Variants in RALGAPA2 observed in about 807,000 individuals in gnomAD.
RALGAPA2 encodes Ral GTPase activating protein catalytic subunit alpha 2.
RALGAPA2 carries 139 observed loss-of-function variants against 230.4 expected under a neutral mutation model. That is an observed-to-expected ratio of 0.60 (90% CI 0.53 to 0.69). The LOEUF (loss-of-function observed/expected upper bound fraction) is 0.69. RALGAPA2 is among the 30% of genes least tolerant of loss of function. RALGAPA2 has a pLI of 0.00. For synonymous variants in RALGAPA2, 847 were observed against 837.8 expected, an observed-to-expected ratio of 1.01 and a Z score of -0.19; for missense variants, 2,163 against 2,276.0, an observed-to-expected ratio of 0.95 and a Z score of 1.01.
intron 18 of RALGAPA2, 71 bp downstream of exon 18, chr20:20,589,197 A>G: frequency 7.0e-7 from 1 of 1,438,512 alleles, no homozygotes; most frequent in Non-Finnish European, 9.2e-7. Flanking sequence ...TGCCACCAAT[A>G]AATTTACTTA....
intron 36 of RALGAPA2, among the ~76,000 whole-genome samples, chr20:20,490,867 C>CAT (rs2062032783): frequency 6.7e-6 from 1 of 150,098 alleles, no homozygotes; most frequent in African/African-American, 2.5e-5. Context: ...CATGAACACA[C>CAT]ACACACACAC....
At chr20:20,444,153 A>G (rs1240954891) in intron 37 of RALGAPA2, among the ~76,000 whole-genome samples, 1 of 152,022 alleles carries the variant, frequency 6.6e-6, no homozygotes, top group Non-Finnish European at 1.5e-5. Flanking sequence ...ACACACACAC[A>G]CTTCCTCTGG....
intron 1 of RALGAPA2, among the ~76,000 whole-genome samples, chr20:20,705,385 T>G (rs2069554781): frequency 6.6e-6 from 1 of 151,980 alleles, no homozygotes; most frequent in Non-Finnish European, 1.5e-5. Flanking sequence ...TCTTCATTTT[T>G]TTTGTAGAGA....
chr20:20,483,426 G>A (rs972125794), intron 36 of RALGAPA2, among the ~76,000 whole-genome samples: 1 of 152,172 alleles, frequency 6.6e-6, no homozygotes, highest in African/African-American at 2.4e-5. Flanking sequence ...GTTGCCAGTG[G>A]GTTGAGCAGA....
intron 37 of RALGAPA2, among the ~76,000 whole-genome samples, chr20:20,439,153 C>T (rs2060679442): frequency 6.6e-6 from 1 of 152,114 alleles, no homozygotes; most frequent in South Asian, 2.1e-4. Context: ...CCCTGACTGC[C>T]ATCTGATAAT....
At chr20:20,668,786 G>C (rs1359991649) in intron 3 of RALGAPA2, among the ~76,000 whole-genome samples, 2 of 152,172 alleles carry the variant, frequency 1.3e-5, no homozygotes, top group African/African-American at 4.8e-5. Context: ...CCTGAAAAGA[G>C]AACTGAATAA....
Position 20,517,426 on chromosome 20 carries a change from C to T in RALGAPA2, c.4084+3491G>A, listed in dbSNP as rs116146528. Among the ~76,000 whole-genome samples, 756 of 152,266 alleles carry T rather than the reference C, an allele frequency of 5.0e-3. 8 individuals carry two copies. Among genetic ancestry groups the T allele is most frequent in the African/African-American group, 0.017 (708 of 41,528 alleles). On this transcript the variant is annotated intron_variant, in intron 31 of 39. Coordinates refer to ENST00000202677, the MANE Select transcript of RALGAPA2 (RefSeq NM_020343.4). ...CATTAATCAAAGCTGGGGCCTCAGCCCACCATTGTGTATTGTATCTAACCA... is the reference window on the plus strand; with the variant it reads ...CATTAATCAAAGCTGGGGCCTCAGCTCACCATTGTGTATTGTATCTAACCA...
intron 27 of RALGAPA2, among the ~76,000 whole-genome samples, chr20:20,530,342 T>C (rs1205302188): frequency 1.3e-5 from 2 of 152,210 alleles, no homozygotes; most frequent in African/African-American, 4.8e-5. Context: ...TGGATAATTT[T>C]TCCATTCCTC....
intron 37 of RALGAPA2, among the ~76,000 whole-genome samples, chr20:20,465,569 G>C (rs976951963): frequency 6.6e-6 from 1 of 152,186 alleles, no homozygotes; most frequent in Non-Finnish European, 1.5e-5. Context: ...TATTCCCCTA[G>C]GGGGAGCATC....
intron 37 of RALGAPA2, among the ~76,000 whole-genome samples, chr20:20,469,620 A>G (rs1019157317): frequency 6.6e-6 from 1 of 152,178 alleles, no homozygotes; most frequent in Non-Finnish European, 1.5e-5. Context: ...TGTTTGATTC[A>G]GGGTGAACTC....
At chr20:20,706,325 G>A (rs80227400) in intron 1 of RALGAPA2, among the ~76,000 whole-genome samples, 6,568 of 152,186 alleles carry the variant, frequency 0.043, 220 homozygotes, top group Non-Finnish European at 0.066. Flanking sequence ...ACATTCTAGA[G>A]GTTATAAATG....
At chr20:20,588,853 C>G (rs1312416559) in intron 18 of RALGAPA2, among the ~76,000 whole-genome samples, 1 of 151,332 alleles carries the variant, frequency 6.6e-6, no homozygotes, top group Non-Finnish European at 1.5e-5. Context: ...TAAATAAATG[C>G]CATTTTATGT....
intron 5 of RALGAPA2, among the ~76,000 whole-genome samples, chr20:20,642,144 AAGGGGAGGGGAGGGG>A (rs776626497): frequency 5.6e-4 from 3 of 5,374 alleles, no homozygotes; most frequent in African/African-American, 1.5e-3. Flanking sequence ...GAGGGGAGAG[AAGGGGAGGGGAGGGG>A]AGGGGAGGGG....
At chr20:20,564,926 GT>G (rs1272613677) in intron 23 of RALGAPA2, among the ~76,000 whole-genome samples, 3 of 151,986 alleles carry the variant, frequency 2.0e-5, no homozygotes, top group Admixed American at 1.3e-4. Context: ...TAAACCTATA[GT>G]TTTTTTTAAA....
At chr20:20,598,139 G>T (rs746695066) in intron 16 of RALGAPA2, among the ~76,000 whole-genome samples, 1 of 152,036 alleles carries the variant, frequency 6.6e-6, no homozygotes, top group Non-Finnish European at 1.5e-5. Context: ...CAGGAACAAC[G>T]TTTCTTTGTT....
In RALGAPA2 at chr20:20,535,748, G is replaced by A. The variant is rs1200792242; in HGVS notation, c.3470C>T (p.Ala1157Val). 6.5e-7 allele frequency: 1 copy of A among 1,547,998 alleles called. No individual in the cohort carries two copies. The highest frequency in any genetic ancestry group is 8.7e-7 in the Non-Finnish European group (1 of 1,145,340). ...KNATEEPNEY[A>V]RCIAVCSLGV... ...TTACCTCTTATTCAACATTTACCTTGCATATTCATTTGGTTCTTCTGTGGC... is the reference window on the plus strand; with the variant it reads ...TTACCTCTTATTCAACATTTACCTTACATATTCATTTGGTTCTTCTGTGGC... The change falls in exon 26 of 40, where the codon GCA becomes GTA. Residue 1157 changes from alanine to valine, a missense_variant. Coordinates refer to ENST00000202677, the MANE Select transcript of RALGAPA2 (RefSeq NM_020343.4).
Position 20,515,698 on chromosome 20 carries a change from C to T in RALGAPA2, c.4085-2414G>A, listed in dbSNP as rs181674511. Among the ~76,000 whole-genome samples, 6 of 152,334 alleles carry T rather than the reference C, an allele frequency of 3.9e-5. No homozygotes were observed. The East Asian group carries it at 1.2e-3, about 29-fold the overall frequency. On this transcript the variant is annotated intron_variant, in intron 31 of 39. Coordinates refer to ENST00000202677, the MANE Select transcript of RALGAPA2 (RefSeq NM_020343.4). ...AGTCTCCAGCATGAACCGAGGGAAG[C>T]CATACCTGAATATATCTCACAGGGG...
chr20:20,655,874 T>A (rs557742887), intron 3 of RALGAPA2, among the ~76,000 whole-genome samples: 1 of 152,302 alleles, frequency 6.6e-6, no homozygotes, highest in East Asian at 1.9e-4. Context: ...GAGGTCTCCA[T>A]GGCTCCCAGT....
chr20:20,474,313 T>C (rs2061602911), intron 36 of RALGAPA2, among the ~76,000 whole-genome samples: 1 of 152,092 alleles, frequency 6.6e-6, no homozygotes, highest in Non-Finnish European at 1.5e-5. Flanking sequence ...AAAGGAAGAA[T>C]TAAGAGCTAA....
Sources: allele counts gnomAD v4.1 joint callset (sites outside exome capture counted in the v4.1 genomes callset), GRCh38; gene constraint gnomAD v4.1.1; transcripts MANE v1.5; gene names NCBI Gene and HGNC (gene_info 2026-07-23, HGNC 2026-07-21).